The following KCNK2 variants were observed in gnomAD, a reference collection of about 807,000 sequenced individuals.
KCNK2 encodes the protein potassium two pore domain channel subfamily K member 2.
Under a neutral mutation model 40.5 loss-of-function variants are expected in KCNK2, and 21 were observed. The ratio of observed to expected loss-of-function variants is 0.52; its 90% CI spans 0.37 to 0.75. KCNK2 has a LOEUF of 0.75. KCNK2 is among the 30% of genes least tolerant of loss of function. The pLI is 0.00. For missense variants in KCNK2, 399 were observed against 531.6 expected (o/e 0.75, Z 2.45); for synonymous variants, 191 against 202.2 (o/e 0.94, Z 0.47).
At chr1:215,016,102 A>G (rs769057350) in intron 1 of KCNK2, among the ~76,000 whole-genome samples, 7 of 152,210 alleles carry the variant, frequency 4.6e-5, no homozygotes, top group Non-Finnish European at 1.0e-4. Context: ...AAAGTCAATA[A>G]AAATGACAAA....
chr1:215,124,155 A>G (rs1661316488), intron 2 of KCNK2, among the ~76,000 whole-genome samples: 1 of 152,192 alleles, frequency 6.6e-6, no homozygotes, highest in Non-Finnish European at 1.5e-5. Context: ...TCTTTATGAT[A>G]TAGGCTTGGT....
At chr1:215,035,441 A>G (rs568599819) in intron 1 of KCNK2, among the ~76,000 whole-genome samples, 1 of 152,156 alleles carries the variant, frequency 6.6e-6, no homozygotes, top group Non-Finnish European at 1.5e-5. Context: ...TCCCAATTCC[A>G]GGAAACCACT....
At chr1:215,034,701 A>T (rs146959321) in intron 1 of KCNK2, among the ~76,000 whole-genome samples, 119 of 152,184 alleles carry the variant, frequency 7.8e-4, no homozygotes, top group African/African-American at 2.7e-3. Flanking sequence ...GAAACCAGTC[A>T]TCTATCTATG....
chr1:215,064,837 A>G (rs1281921672), intron 1 of KCNK2, among the ~76,000 whole-genome samples: 1 of 152,134 alleles, frequency 6.6e-6, no homozygotes, highest in South Asian at 2.1e-4. Context: ...TTCCTTTGCC[A>G]TTCCAAACAG....
At chr1:215,117,192 T>C (rs1291758577) in intron 2 of KCNK2, among the ~76,000 whole-genome samples, 4 of 152,040 alleles carry the variant, frequency 2.6e-5, no homozygotes, top group Non-Finnish European at 2.9e-5. Flanking sequence ...TTTCATGTAA[T>C]GAGTCACAAA....
At chr1:215,088,836 G>A (rs1483302879) in intron 2 of KCNK2, among the ~76,000 whole-genome samples, 1 of 152,084 alleles carries the variant, frequency 6.6e-6, no homozygotes, top group Non-Finnish European at 1.5e-5. Flanking sequence ...ATCCATTTTA[G>A]CTTTATTAAT....
intron 6 of KCNK2, among the ~76,000 whole-genome samples, chr1:215,209,514 A>T (rs1401498988): frequency 2.5e-4 from 11 of 43,686 alleles, no homozygotes; most frequent in East Asian, 7.0e-4. Flanking sequence ...AATATATATA[A>T]AATATAATAT....
At chr1:215,023,057 A>G (rs1421082724) in intron 1 of KCNK2, among the ~76,000 whole-genome samples, 1 of 152,206 alleles carries the variant, frequency 6.6e-6, no homozygotes, top group African/African-American at 2.4e-5. Context: ...ATGGATTTCC[A>G]CAGCCTACAG....
intron 1 of KCNK2, among the ~76,000 whole-genome samples, chr1:215,043,891 C>A (rs1330711577): frequency 6.6e-6 from 1 of 152,052 alleles, no homozygotes; most frequent in Non-Finnish European, 1.5e-5. Context: ...GACTTAGCAG[C>A]ATTAACGACA....
chr1:215,078,377 T>A (rs1400703049), upstream of KCNK2, among the ~76,000 whole-genome samples: 1 of 152,220 alleles, frequency 6.6e-6, no homozygotes, highest in African/African-American at 2.4e-5. Context: ...AAGAAATGTC[T>A]GAGATTGGGT....
At chr1:215,073,355 C>T (rs898390185) in intron 1 of KCNK2, among the ~76,000 whole-genome samples, 1 of 152,174 alleles carries the variant, frequency 6.6e-6, no homozygotes, top group Non-Finnish European at 1.5e-5. Context: ...ACAGTTGGAA[C>T]AAGCACTAAT....
At chr1:215,082,168 C>G (rs2363562), upstream of KCNK2, 145,237 of 152,492 alleles carry the variant, frequency 0.95, 69,574 homozygotes, top group East Asian at 1. Flanking sequence ...TTTTCGGTCC[C>G]GGACGTTCTG....
intron 1 of KCNK2, among the ~76,000 whole-genome samples, chr1:215,061,126 T>G (rs934380294): frequency 6.6e-5 from 10 of 152,160 alleles, no homozygotes; most frequent in Non-Finnish European, 1.3e-4. Flanking sequence ...TAGAAATACT[T>G]TTGTGTATAC....
intron 1 of KCNK2, among the ~76,000 whole-genome samples, chr1:215,073,834 C>T (rs1658841052): frequency 6.6e-6 from 1 of 152,120 alleles, no homozygotes; most frequent in Non-Finnish European, 1.5e-5. Context: ...ATAGATGTTA[C>T]TTAATATTAT....
intron 6 of KCNK2, among the ~76,000 whole-genome samples, chr1:215,221,488 G>T (rs1666174616): frequency 6.6e-6 from 1 of 152,108 alleles, no homozygotes; most frequent in Admixed American, 6.5e-5. Flanking sequence ...TAATTATTAT[G>T]TACTATATTC....
intron 5 of KCNK2, among the ~76,000 whole-genome samples, chr1:215,175,903 A>G (rs1663946366): frequency 6.6e-6 from 1 of 152,124 alleles, no homozygotes; most frequent in African/African-American, 2.4e-5. Context: ...TCCACCACTG[A>G]TGGACACTTG....
chr1:215,046,140 C>T (rs1257648092), intron 1 of KCNK2, among the ~76,000 whole-genome samples: 2 of 151,918 alleles, frequency 1.3e-5, no homozygotes, highest in East Asian at 1.9e-4. Flanking sequence ...TAGGTCATTG[C>T]CAGGAAAATA....
At chr1:215,108,414 G>T (rs1371172408) in intron 2 of KCNK2, among the ~76,000 whole-genome samples, 1 of 152,186 alleles carries the variant, frequency 6.6e-6, no homozygotes, top group Non-Finnish European at 1.5e-5. Context: ...CATAGATACT[G>T]AGAGACAATT....
intron 3 of KCNK2, among the ~76,000 whole-genome samples, chr1:215,153,089 A>G (rs1439693547): frequency 6.6e-6 from 1 of 152,214 alleles, no homozygotes; most frequent in Non-Finnish European, 1.5e-5. Flanking sequence ...ACTTAATTTC[A>G]GTAAATCTCA....
Sources: allele counts gnomAD v4.1 joint callset (sites outside exome capture counted in the v4.1 genomes callset), GRCh38; gene constraint gnomAD v4.1.1; transcripts MANE v1.5; gene names NCBI Gene and HGNC (gene_info 2026-07-23, HGNC 2026-07-21).